Variants in DLGAP2 observed in about 807,000 individuals in gnomAD.
DLGAP2 encodes DLG associated protein 2, also known as disks large-associated protein 2.
A neutral mutation model predicts 100.3 loss-of-function variants in DLGAP2; 26 were observed. The observed-to-expected ratio is 0.26, with a 90% CI of 0.19 to 0.36. The LOEUF is 0.36. Among genes scored for constraint, DLGAP2 ranks in the 10% least tolerant of loss-of-function variants. The pLI is 1.00. For synonymous variants in DLGAP2, 886 were observed against 630.1 expected (o/e 1.41, Z -6.08); for missense variants, 1,858 against 1,453.2 (o/e 1.28, Z -4.53).
At chr8:1,353,053 A>C (rs1801771254) in intron 3 of DLGAP2, among the ~76,000 whole-genome samples, 2 of 152,214 alleles carry the variant, frequency 1.3e-5, no homozygotes, top group South Asian at 4.1e-4. Context: ...CTGAACTGGC[A>C]TGAGCTGCCT....
chr8:849,937 G>A (rs970919352), intron 1 of DLGAP2, among the ~76,000 whole-genome samples: 1 of 152,026 alleles, frequency 6.6e-6, no homozygotes, highest in African/African-American at 2.4e-5. Context: ...GGTGCTGTGG[G>A]CCTGTAATTC....
chr8:1,091,253 G>C (rs1209191290), intron 2 of DLGAP2, among the ~76,000 whole-genome samples: 4 of 152,208 alleles, frequency 2.6e-5, no homozygotes, highest in Non-Finnish European at 5.9e-5. Flanking sequence ...TGAAATTCCA[G>C]AGCGGATACT....
chr8:1,432,842 AC>A (rs1210858393), intron 3 of DLGAP2, among the ~76,000 whole-genome samples: 5 of 151,900 alleles, frequency 3.3e-5, no homozygotes, highest in Non-Finnish European at 7.4e-5. Context: ...GACACACTGG[AC>A]CCCGGTGACT....
chr8:889,407 C>T (rs377537210), intron 1 of DLGAP2, among the ~76,000 whole-genome samples: 80 of 152,286 alleles, frequency 5.3e-4, no homozygotes, highest in African/African-American at 1.9e-3. Flanking sequence ...GAGGCTAAGT[C>T]TGCTGGTCCA....
chr8:1,434,821 A>G (rs749258302), intron 3 of DLGAP2, among the ~76,000 whole-genome samples: 3 of 152,126 alleles, frequency 2.0e-5, no homozygotes, highest in Non-Finnish European at 4.4e-5. Flanking sequence ...AACATGAGTA[A>G]CATGCATTAT....
chr8:739,094 T>C (rs935398413), intron 1 of DLGAP2: 1 of 153,574 alleles, frequency 6.5e-6, no homozygotes, highest in Non-Finnish European at 1.5e-5. Context: ...CGATTAAAGA[T>C]AAAGCGATCA....
chr8:1,637,303 G>A (rs1797789472), intron 8 of DLGAP2, among the ~76,000 whole-genome samples: 1 of 152,138 alleles, frequency 6.6e-6, no homozygotes, highest in Non-Finnish European at 1.5e-5. Context: ...ATGAGCAGCT[G>A]GAGGTTCTGT....
intron 3 of DLGAP2, among the ~76,000 whole-genome samples, chr8:1,470,539 C>G (rs80123057): frequency 0.017 from 2,561 of 152,226 alleles, 84 homozygotes; most frequent in African/African-American, 0.059. Context: ...GCCAGTCACA[C>G]GCAGAAGCAC....
intron 12 of DLGAP2, among the ~76,000 whole-genome samples, chr8:1,683,856 ATGTGTG>A (rs10583520): frequency 0.062 from 3,852 of 61,864 alleles, 354 homozygotes; most frequent in African/African-American, 0.098. Context: ...ATATATATAT[ATGTGTG>A]TGTGTGTGTG....
chr8:1,502,845 C>T (rs573213231), intron 4 of DLGAP2, among the ~76,000 whole-genome samples: 53 of 152,290 alleles, frequency 3.5e-4, no homozygotes, highest in African/African-American at 1.2e-3. Context: ...ATAGCAGCGG[C>T]GCCCACGTGC....
chr8:1,130,349 A>G (rs1796264078), intron 2 of DLGAP2, among the ~76,000 whole-genome samples: 1 of 152,122 alleles, frequency 6.6e-6, no homozygotes, highest in Non-Finnish European at 1.5e-5. Context: ...TTTCTCATTT[A>G]TTATTCAAAA....
chr8:1,208,250 G>C (rs1275105510), intron 2 of DLGAP2, among the ~76,000 whole-genome samples: 1 of 152,178 alleles, frequency 6.6e-6, no homozygotes, highest in Non-Finnish European at 1.5e-5. Flanking sequence ...TAAGGTGAGA[G>C]ATGAGGATCC....
rs550152809 is a variant in DLGAP2, at chr8:1,654,382, C to T, written c.1811-13947C>T. 7.2e-5 allele frequency among the ~76,000 whole-genome samples: 11 copies of T among 152,272 alleles called. No individual in the cohort carries two copies. The South Asian group carries it at 1.7e-3, about 23-fold the overall frequency. Reference sequence around the variant, plus strand: ...GCATTCTTAAAGAATTGGAACATGGCCGGGCATGGTGGCTCACGCCTGTAA... The same window carrying T: ...GCATTCTTAAAGAATTGGAACATGGTCGGGCATGGTGGCTCACGCCTGTAA... On this transcript the variant is annotated intron_variant, in intron 8 of 14. Transcript: ENST00000637795.
intron 1 of DLGAP2, among the ~76,000 whole-genome samples, chr8:744,166 G>C (rs56896874): frequency 5.9e-5 from 9 of 152,016 alleles, no homozygotes; most frequent in Admixed American, 5.9e-4. Flanking sequence ...CATCTTGTGC[G>C]TTGGGAAGAA....
chr8:972,772 C>T (rs893637743), intron 2 of DLGAP2, among the ~76,000 whole-genome samples: 16 of 152,106 alleles, frequency 1.1e-4, no homozygotes, highest in East Asian at 1.9e-4. Context: ...TGCGGCCTTC[C>T]GCGGTGTTTG....
chr8:1,107,406 A>T (rs1210626040), intron 2 of DLGAP2, among the ~76,000 whole-genome samples: 1 of 152,216 alleles, frequency 6.6e-6, no homozygotes, highest in Non-Finnish European at 1.5e-5. Flanking sequence ...CACAGAGGTC[A>T]GCGAAGGCTT....
At chr8:1,178,774 C>G (rs1797316648) in intron 2 of DLGAP2, among the ~76,000 whole-genome samples, 1 of 152,176 alleles carries the variant, frequency 6.6e-6, no homozygotes, top group Non-Finnish European at 1.5e-5. Context: ...GATTCTCTGC[C>G]AATTCCAGGG....
chr8:1,530,630 G>A (rs576972275), intron 4 of DLGAP2, among the ~76,000 whole-genome samples: 57 of 152,298 alleles, frequency 3.7e-4, no homozygotes, highest in African/African-American at 1.3e-3. Context: ...AATCTTTACA[G>A]TTTATGTTTA....
At chr8:882,802 C>G (rs905424) in intron 1 of DLGAP2, among the ~76,000 whole-genome samples, 2,430 of 152,274 alleles carry the variant, frequency 0.016, 62 homozygotes, top group African/African-American at 0.055. Context: ...CCTGGCCCAG[C>G]GGCATCTCTC....
Sources: gnomAD v4.1 joint callset for allele counts (sites outside exome capture counted in the v4.1 genomes callset) on GRCh38, gnomAD v4.1.1 for gene constraint, MANE v1.5 for transcripts, NCBI Gene and HGNC (gene_info 2026-07-23, HGNC 2026-07-21) for gene names.